The following PHKA1 variants were observed in gnomAD, a reference collection of about 807,000 sequenced individuals.
PHKA1 encodes phosphorylase kinase regulatory subunit alpha 1.
A neutral mutation model predicts 110.2 loss-of-function variants in PHKA1; 60 were observed. The observed-to-expected ratio is 0.54, with a 90% CI of 0.44 to 0.68. The LOEUF (loss-of-function observed/expected upper bound fraction) is 0.68, where lower values mean the gene tolerates loss of function less well. PHKA1 is among the 30% of genes least tolerant of loss of function. PHKA1 has a pLI of 0.00. For synonymous variants in PHKA1, 316 were observed against 333.6 expected, an observed-to-expected ratio of 0.95 and a Z score of 0.58; for missense variants, 801 against 942.5, an observed-to-expected ratio of 0.85 and a Z score of 1.97.
chrX:72,712,499 A>G (rs905503631), intron 2 of PHKA1, among the ~76,000 whole-genome samples: 11 of 111,971 alleles, frequency 9.8e-5, no homozygotes, highest in African/African-American at 3.6e-4. Flanking sequence ...AGAGTCATGC[A>G]TTTTAGGAAA....
At chrX:72,585,094 T>C (rs2052401993) in intron 29 of PHKA1, among the ~76,000 whole-genome samples, 1 of 110,635 alleles carries the variant, frequency 9.0e-6, no homozygotes, top group African/African-American at 3.3e-5. Context: ...ATACAAGTAA[T>C]TTCCAAAAAT....
At chrX:72,627,165 C>G (rs1334638910) in intron 16 of PHKA1, 116 bp from the exon 17 acceptor site, 12 of 560,319 alleles carry the variant, frequency 2.1e-5, no homozygotes, top group Non-Finnish European at 3.4e-5. Context: ...TGAGACACTC[C>G]TCATTGACCA....
chrX:72,591,490 G>T (rs1490600645), intron 29 of PHKA1, among the ~76,000 whole-genome samples: 4 of 110,946 alleles, frequency 3.6e-5, no homozygotes, highest in African/African-American at 1.3e-4. Context: ...CAGTGGGCCA[G>T]CATGGCACAT....
chrX:72,605,694 GC>G, intron 23 of PHKA1, 75 bp from the exon 24 acceptor site: 1 of 775,420 alleles, frequency 1.3e-6, no homozygotes. Context: ...AAATGAAGAA[GC>G]TTTATCCAAG....
intron 7 of PHKA1, 84 bp downstream of exon 7, chrX:72,667,291 G>T: frequency 6.0e-6 from 4 of 669,827 alleles, no homozygotes; most frequent in Non-Finnish European, 9.5e-6. Context: ...CTCTCATTCA[G>T]CTATCCTTAA....
chrX:72,656,377 C>G, intron 9 of PHKA1, 135 bp from the exon 10 acceptor site: 1 of 617,346 alleles, frequency 1.6e-6, no homozygotes, highest in Admixed American at 2.6e-5. Context: ...TGTACATACT[C>G]CCTTCCCTTA....
chrX:72,582,177 T>G (rs1433185598), intron 31 of PHKA1, among the ~76,000 whole-genome samples: 2 of 111,099 alleles, frequency 1.8e-5, no homozygotes, highest in Non-Finnish European at 3.8e-5. Context: ...CCAGGCAACT[T>G]TACCCTCTAA....
intron 22 of PHKA1, 96 bp downstream of exon 22, chrX:72,610,932 T>C (rs1244639877): frequency 1.6e-6 from 1 of 607,982 alleles, no homozygotes; most frequent in East Asian, 3.6e-5. Context: ...TCTCAAATGG[T>C]TAGAGGCTAT....
At chrX:72,678,084 G>T (rs2053801426) in intron 5 of PHKA1, among the ~76,000 whole-genome samples, 2 of 111,050 alleles carry the variant, frequency 1.8e-5, no homozygotes. Context: ...CTCCCTTTTT[G>T]AACGTTTCTT....
At chrX:72,700,971 CT>C (rs2054196925) in intron 3 of PHKA1, among the ~76,000 whole-genome samples, 1 of 112,385 alleles carries the variant, frequency 8.9e-6, no homozygotes, top group Non-Finnish European at 1.9e-5. Context: ...CTACTGACAG[CT>C]TTTAACAATT....
At position 72,657,576 on chromosome X, in the gene PHKA1, A is replaced by C. The variant is rs2053510955; in HGVS notation, c.918+12T>G. The C allele has an allele frequency of 2.5e-6, 3 of 1,194,586 alleles. No homozygotes were observed. The East Asian group carries it at 8.9e-5, about 35-fold the overall frequency. On this transcript the variant is annotated intron_variant, in intron 9 of 31. Transcript: ENST00000373542. ...TTCTACCTTGGATTCATTTTGGAGA[A>C]AAGAAACCTACCTCTTTAGGAGTTT...
At chrX:72,617,366 A>C (rs1556270825) in intron 21 of PHKA1, among the ~76,000 whole-genome samples, 2 of 111,178 alleles carry the variant, frequency 1.8e-5, no homozygotes, top group Non-Finnish European at 3.8e-5. Flanking sequence ...TAATTAAAAA[A>C]ACATTTAGCC....
At chrX:72,582,799 C>T (rs1556205019) in intron 30 of PHKA1, among the ~76,000 whole-genome samples, 1 of 111,741 alleles carries the variant, frequency 8.9e-6, no homozygotes. Flanking sequence ...AGTGTCCATG[C>T]CCTCTAACCC....
chrX:72,601,967 T>C, intron 28 of PHKA1, 24 bp downstream of exon 28: 1 of 1,157,908 alleles, frequency 8.6e-7, no homozygotes, highest in Non-Finnish European at 1.2e-6. Context: ...TTAAACCATG[T>C]TAAATGATCC....
intron 8 of PHKA1, chrX:72,660,452 A>G: frequency 4.0e-6 from 1 of 248,691 alleles, no homozygotes; most frequent in Admixed American, 5.0e-5. Flanking sequence ...TCTAAGAATC[A>G]ACATAAGTGA....
chrX:72,651,814 G>A (rs1556299244), intron 12 of PHKA1, among the ~76,000 whole-genome samples: 1 of 111,743 alleles, frequency 8.9e-6, no homozygotes, highest in African/African-American at 3.3e-5. Flanking sequence ...CAAAGAGTCT[G>A]ACTCAGATAG....
intron 5 of PHKA1, among the ~76,000 whole-genome samples, chrX:72,682,049 G>A (rs1556315952): frequency 1.4e-4 from 11 of 78,797 alleles, no homozygotes; most frequent in Non-Finnish European, 1.5e-4. Context: ...CCCCCCGCCC[G>A]GCCAGCCGCC....
rs1479136488 is a variant in PHKA1 at position 72,711,138 on chromosome X, G to C, written c.237+1641C>G. The stretch of plus-strand genomic sequence containing the variant: ...GGCCTCCCAAAGTGCTGGGATTACA[G>C]GCGTGAGCCACCGCGCCCGGCCTGT... On this transcript the variant is annotated intron_variant, in intron 2 of 31. Transcript: ENST00000373542. Among the ~76,000 whole-genome samples the C allele has an allele frequency of 2.7e-5, 3 of 110,524 alleles. No individual in the cohort carries two copies. The South Asian group carries it at 1.2e-3, about 43-fold the overall frequency.
At chrX:72,604,492 T>G (rs1409064745) in intron 25 of PHKA1, among the ~76,000 whole-genome samples, 1 of 111,934 alleles carries the variant, frequency 8.9e-6, no homozygotes, top group Non-Finnish European at 1.9e-5. Context: ...TGTGTTTGAG[T>G]TAGGTTTGAC....
Sources: gnomAD v4.1 joint callset for allele counts (sites outside exome capture counted in the v4.1 genomes callset) on GRCh38, gnomAD v4.1.1 for gene constraint, MANE v1.5 for transcripts, NCBI Gene and HGNC (gene_info 2026-07-23, HGNC 2026-07-21) for gene names.